The following SCLY variants were observed in gnomAD, a reference collection of about 807,000 sequenced individuals.
The protein encoded by SCLY is selenocysteine lyase, also known as putative selenocysteine lyase.
Under a neutral mutation model 50.1 loss-of-function variants are expected in SCLY, and 38 were observed. The ratio of observed to expected loss-of-function variants is 0.76; its 90% CI spans 0.59 to 0.99. SCLY has a LOEUF of 0.99. SCLY is among the 50% of genes least tolerant of loss of function. SCLY has a pLI of 0.00. For synonymous variants in SCLY, 243 were observed against 249.4 expected, an observed-to-expected ratio of 0.97 and a Z score of 0.24; for missense variants, 600 against 620.0, an observed-to-expected ratio of 0.97 and a Z score of 0.34.
At chr2:238,068,289 C>A in intron 3 of SCLY, 124 bp downstream of exon 3, 2 of 742,378 alleles carry the variant, frequency 2.7e-6, no homozygotes, top group South Asian at 4.1e-5. Flanking sequence ...TGGCTCATGC[C>A]TGTAATCCCA....
At chr2:238,061,212 G>A (rs772808437) in intron 1 of SCLY, 69 bp downstream of exon 1, 9 of 1,186,692 alleles carry the variant, frequency 7.6e-6, no homozygotes, top group Non-Finnish European at 9.7e-6. Flanking sequence ...GCGGGAGGAC[G>A]AAGGGGGCTC....
intron 4 of SCLY, among the ~76,000 whole-genome samples, chr2:238,076,937 T>C (rs1029972588): frequency 6.6e-6 from 1 of 152,194 alleles, no homozygotes; most frequent in African/African-American, 2.4e-5. Context: ...TATATTCTGC[T>C]GTTGTTGGGT....
At chr2:238,094,655 TG>T in intron 10 of SCLY, 133 bp downstream of exon 10, 1 of 764,136 alleles carries the variant, frequency 1.3e-6, no homozygotes. Context: ...AGGGCCTTGC[TG>T]GGGTTGCCAA....
chr2:238,083,319 A>G lies in SCLY; in HGVS notation c.849A>G (p.Leu283=), dbSNP rs1030579471. The change falls in exon 7 of 12, where the codon CTA becomes CTG. Residue 283 remains leucine (L), a synonymous_variant. Transcript: ENST00000254663. The surrounding 1 kb of genome is among the most constrained non-coding windows in gnomAD (Gnocchi z 4.3). Reference sequence around the variant, plus strand: ...AATTTACCCCTCTCTACCCTATGCTATTTGGAGGTGGACAAGAACGGAATT... The same window carrying G: ...AATTTACCCCTCTCTACCCTATGCTGTTTGGAGGTGGACAAGAACGGAATT... ...LGEFTPLYPM[L]FGGGQERNFR... The G allele has an allele frequency of 6.2e-7, 1 of 1,613,770 alleles. No homozygotes were observed. Among genetic ancestry groups the G allele is most frequent in the African/African-American group, 1.3e-5 (1 of 74,906 alleles).
chr2:238,081,732 A>G lies in SCLY; in HGVS notation c.508A>G (p.Lys170Glu), dbSNP rs372684004. Residue 170 changes from lysine to glutamate, a missense_variant, in exon 5 of 12, where the codon AAG (lysine) becomes GAG (glutamate). By Grantham distance (56) the Lys-to-Glu change is moderately conservative. Transcript: ENST00000254663. The part of the protein sequence containing the change: ...VAAVTFVPVS[K>E]VSGQAEVDDI... The stretch of plus-strand genomic sequence containing the variant: ...AGCGGTCACCTTTGTCCCGGTGTCC[A>G]AGGTGAGCGGGCAGGCAGAGGTGGA... 8.7e-6 allele frequency: 14 copies of G among 1,614,210 alleles called. No homozygotes were observed. The highest frequency in any genetic ancestry group is 1.2e-5 in the Non-Finnish European group (14 of 1,180,028).
In SCLY at chr2:238,084,931, C is replaced by G. The variant is rs1028899218; in HGVS notation, c.884+1577C>G. Among the ~76,000 whole-genome samples the G allele has an allele frequency of 1.9e-4, 8 of 42,692 alleles. 1 individual carries two copies. Among genetic ancestry groups the G allele is most frequent in the Admixed American group, 1.6e-3 (7 of 4,514 alleles). 28.0% of individuals were successfully genotyped at this position (42,692 alleles called of 152,430 possible). ...AAAAAAGAAACCTAGACTTCTACTT[C>G]CACTTGGCAGTGATGGTGGCATACC... is the stretch of plus-strand genomic sequence containing the variant. On this transcript the variant is annotated intron_variant, in intron 7 of 11. Transcript: ENST00000254663.
In SCLY at chr2:238,098,428, T is replaced by C. The variant is rs1691288853; in HGVS notation, c.*73T>C. On this transcript the variant is annotated 3_prime_UTR_variant, in exon 12 of 12. Transcript: ENST00000254663. Reference sequence around the variant, plus strand: ...GCACAGGGTTGTCCCTCCAGTTCCCTCCTGAGGGCTGTGCCAGGATGACTG... The same window carrying C: ...GCACAGGGTTGTCCCTCCAGTTCCCCCCTGAGGGCTGTGCCAGGATGACTG... The C allele has an allele frequency of 6.9e-7, 1 of 1,442,156 alleles. No homozygotes were observed. 89.3% of individuals were successfully genotyped at this position (1,442,156 alleles called of 1,614,324 possible).
chr2:238,076,260 T>C (rs2065173010), intron 4 of SCLY, among the ~76,000 whole-genome samples: 1 of 152,094 alleles, frequency 6.6e-6, no homozygotes, highest in Non-Finnish European at 1.5e-5. Flanking sequence ...TCTGGCTAAT[T>C]TTTGTACTTT....
chr2:238,082,150 A>T lies in SCLY; in HGVS notation c.718A>T (p.Lys240Ter), dbSNP rs1233519504. ...CACGGATGCTGCACAGGCCTTGGGGAAGCAGCGCGTGGATGTGGAGGACCT... is the reference window on the plus strand; with the variant it reads ...CACGGATGCTGCACAGGCCTTGGGGTAGCAGCGCGTGGATGTGGAGGACCT... ...VHTDAAQALG[K>*]QRVDVEDLGV... Residue 240 changes from lysine to a stop codon, truncating the protein, a stop_gained, in exon 6 of 12, where the codon AAG becomes TAG. Transcript: ENST00000254663. LOFTEE classifies it high-confidence loss of function. The T allele has an allele frequency of 6.2e-7, 1 of 1,612,576 alleles. No individual in the cohort carries two copies. Among genetic ancestry groups the T allele is most frequent in the Non-Finnish European group, 8.5e-7 (1 of 1,179,930 alleles).
intron 1 of SCLY, 35 bp from the exon 2 acceptor site, chr2:238,064,322 T>G: frequency 7.0e-7 from 1 of 1,429,188 alleles, no homozygotes; most frequent in Non-Finnish European, 9.7e-7. Flanking sequence ...CCATCTCCTT[T>G]TCCTTAATGG....
intron 1 of SCLY, among the ~76,000 whole-genome samples, chr2:238,062,951 TAGTG>T (rs1303638142): frequency 6.6e-6 from 1 of 152,208 alleles, no homozygotes; most frequent in African/African-American, 2.4e-5. Flanking sequence ...AAATTTTACT[TAGTG>T]AGGGATCTTT....
In SCLY at chr2:238,083,218, G is replaced by A. The variant is rs1218863463; in HGVS notation, c.778-30G>A. ...CAGAGTAGGTCCTTGGAAAGTTCTTGTTGAATAAATGACCAACTTTTCCTT... is the reference window on the plus strand; with the variant it reads ...CAGAGTAGGTCCTTGGAAAGTTCTTATTGAATAAATGACCAACTTTTCCTT... On this transcript the variant is annotated intron_variant, in intron 6 of 11. Coordinates refer to ENST00000254663, the MANE Select transcript of SCLY (RefSeq NM_016510.7). This position sits in a 1 kb window ranked among gnomAD's most constrained non-coding sequence, Gnocchi z 4.3. 1.3e-6 allele frequency: 2 copies of A among 1,495,422 alleles called. No individual in the cohort carries two copies. Among genetic ancestry groups the A allele is most frequent in the East Asian group, 2.3e-5 (1 of 44,322 alleles). The allele number at this position is 1,495,422 out of a possible 1,614,324, so 92.6% of individuals were successfully genotyped here. A position where few individuals can be genotyped will look rare whatever the true frequency, so the allele number is the denominator to read the frequency against.
chr2:238,082,849 A>C, intron 6 of SCLY: 1 of 307,446 alleles, frequency 3.3e-6, no homozygotes, highest in South Asian at 2.9e-5. Flanking sequence ...AGTTGGAAAC[A>C]TGGAATCATT....
At chr2:238,074,066 A>T (rs1214368581) in intron 4 of SCLY, among the ~76,000 whole-genome samples, 1 of 152,086 alleles carries the variant, frequency 6.6e-6, no homozygotes, top group African/African-American at 2.4e-5. Flanking sequence ...GCAGTTTGGG[A>T]GGTGAAGCGG....
In SCLY at chr2:238,069,184, C is replaced by T. The variant is rs543659367; in HGVS notation, c.304-113C>T. The T allele has an allele frequency of 3.1e-5, 31 of 1,000,668 alleles. No individual in the cohort carries two copies. The East Asian group carries it at 8.5e-4, about 27-fold the overall frequency. 62.0% of individuals were successfully genotyped at this position (1,000,668 alleles called of 1,614,324 possible). A position where few individuals can be genotyped will look rare whatever the true frequency, so the allele number is the denominator to read the frequency against. On this transcript the variant is annotated intron_variant, in intron 3 of 11. Transcript: ENST00000254663. This position sits in a 1 kb window ranked among gnomAD's most constrained non-coding sequence, Gnocchi z 5.0. ...AGGTCCCACTCAGGAAGTTGAATTTCTTTGAAGCTTTTTTGATGTTAGCCA... is the reference window on the plus strand; with the variant it reads ...AGGTCCCACTCAGGAAGTTGAATTTTTTTGAAGCTTTTTTGATGTTAGCCA...
intron 7 of SCLY, among the ~76,000 whole-genome samples, chr2:238,090,622 C>T (rs13024836): frequency 0.22 from 33,277 of 152,034 alleles, 3,810 homozygotes; most frequent in South Asian, 0.34. Flanking sequence ...GGCAACAGAA[C>T]GAGACCCCAT....
chr2:238,090,317 C>T (rs148312356), intron 7 of SCLY, among the ~76,000 whole-genome samples: 33 of 152,236 alleles, frequency 2.2e-4, no homozygotes, highest in African/African-American at 7.7e-4. Context: ...AAGCAATAGC[C>T]GAGTCCAGAG....
chr2:238,096,861 C>T lies in SCLY; in HGVS notation c.1169C>T (p.Ser390Leu), dbSNP rs369781333. ...GCCAGTGTGGGGGCCGCGTGCCACT[C>T]GGACCACGGGGACCAGTAAGTGCTC... ...LMASVGAACHSDHGDQPSPVL... is the reference protein window; with the variant it reads ...LMASVGAACHLDHGDQPSPVL... The change falls in exon 11 of 12, where the codon TCG becomes TTG. Residue 390 changes from serine (S) to leucine (L), a missense_variant. Transcript: ENST00000254663. 30 of 1,611,208 alleles carry T rather than the reference C, an allele frequency of 1.9e-5. No individual in the cohort carries two copies. The highest frequency in any genetic ancestry group is 2.2e-5 in the East Asian group (1 of 44,838).
chr2:238,061,211 C>A, intron 1 of SCLY, 68 bp downstream of exon 1: 4 of 1,195,318 alleles, frequency 3.3e-6, no homozygotes, highest in Non-Finnish European at 4.8e-6. Flanking sequence ...CGCGGGAGGA[C>A]GAAGGGGGCT....
Sources: allele counts gnomAD v4.1 joint callset (sites outside exome capture counted in the v4.1 genomes callset), GRCh38; gene constraint gnomAD v4.1.1; non-coding constraint Gnocchi (gnomAD v3.1); transcripts MANE v1.5; gene names NCBI Gene and HGNC (gene_info 2026-07-23, HGNC 2026-07-21).